ZFHX3: variants seen among roughly 807,000 people sequenced by gnomAD.
The protein encoded by ZFHX3 is zinc finger homeobox protein 3.
A neutral mutation model predicts 279.1 loss-of-function variants in ZFHX3; 42 were observed. The observed-to-expected ratio is 0.15, with a 90% CI of 0.12 to 0.19. ZFHX3 has a LOEUF of 0.19. Among genes scored for constraint, ZFHX3 ranks in the 10% least tolerant of loss-of-function variants. The probability of loss-of-function intolerance (pLI) is 1.00; values close to 1 mark genes in which losing one functional copy is unlikely to be tolerated. For missense variants in ZFHX3, 4,981 were observed against 4,754.0 expected, an observed-to-expected ratio of 1.05 and a Z score of -1.40; for synonymous variants, 2,293 against 1,957.8, an observed-to-expected ratio of 1.17 and a Z score of -4.52.
At chr16:72,935,079 A>AT (rs761909607) in intron 3 of ZFHX3, among the ~76,000 whole-genome samples, 1 of 152,240 alleles carries the variant, frequency 6.6e-6, no homozygotes, top group Non-Finnish European at 1.5e-5. Context: ...ATCTAGCTAT[A>AT]TGTATGTGCT....
At chr16:73,284,144 C>G (rs992667927) in intron 4 of ZFHX3, among the ~76,000 whole-genome samples, 9 of 151,710 alleles carry the variant, frequency 5.9e-5, no homozygotes, top group Non-Finnish European at 1.0e-4. Context: ...TGGTGAAACC[C>G]CACCTCTACT....
At chr16:73,648,100 T>C (rs1416470840) in intron 2 of ZFHX3, among the ~76,000 whole-genome samples, 1 of 152,158 alleles carries the variant, frequency 6.6e-6, no homozygotes, top group Non-Finnish European at 1.5e-5. Context: ...TTACCGAAAT[T>C]TAAAATACAC....
intron 4 of ZFHX3, among the ~76,000 whole-genome samples, chr16:72,854,937 GT>G (rs2037716134): frequency 1.1e-5 from 1 of 89,928 alleles, no homozygotes; most frequent in Non-Finnish European, 2.3e-5. Context: ...AAATTGGTGG[GT>G]GGGGGGGGGG....
At chr16:72,906,480 A>T (rs2039175159) in intron 3 of ZFHX3, among the ~76,000 whole-genome samples, 2 of 152,014 alleles carry the variant, frequency 1.3e-5, no homozygotes, top group Non-Finnish European at 2.9e-5. Context: ...CTTCAGTAAA[A>T]ATCAAGTCTT....
At chr16:72,898,038 G>C (rs748324879) in intron 3 of ZFHX3, among the ~76,000 whole-genome samples, 20 of 152,176 alleles carry the variant, frequency 1.3e-4, no homozygotes, top group Non-Finnish European at 4.4e-5. Context: ...AACCAGGAGT[G>C]GGGGAGGTTA....
intron 6 of ZFHX3, among the ~76,000 whole-genome samples, chr16:73,137,894 G>T (rs1319309588): frequency 6.6e-6 from 1 of 152,038 alleles, no homozygotes; most frequent in East Asian, 1.9e-4. Flanking sequence ...TAGATTTGGG[G>T]TATTGGGGGG....
chr16:73,539,439 T>C (rs1196800497), intron 2 of ZFHX3, among the ~76,000 whole-genome samples: 6 of 113,344 alleles, frequency 5.3e-5, no homozygotes, highest in African/African-American at 2.9e-4. Flanking sequence ...TCTTCTTTTT[T>C]TTTTTTTTTT....
intron 5 of ZFHX3, among the ~76,000 whole-genome samples, chr16:72,827,441 T>C (rs1360594226): frequency 6.6e-6 from 1 of 152,140 alleles, no homozygotes; most frequent in East Asian, 1.9e-4. Context: ...CAAGGTACCT[T>C]GAGTGGGGTC....
chr16:72,959,797 C>T lies in ZFHX3; in HGVS notation c.349G>A (p.Gly117Ser), dbSNP rs201151237. 5.8e-5 allele frequency: 93 copies of T among 1,598,234 alleles called. No individual in the cohort carries two copies. The highest frequency in any genetic ancestry group is 2.3e-4 in the African/African-American group (17 of 74,830). Residue 117 changes from glycine (G) to serine (S), a missense_variant, in exon 2 of 10, where the codon GGT (glycine) becomes AGT (serine). Physicochemically the swap from Gly to Ser is moderately conservative, Grantham distance 56 (BLOSUM62 0). Coordinates refer to ENST00000268489, the MANE Select transcript of ZFHX3 (RefSeq NM_006885.4). ...PLREESASDT[G>S]EEGDEESDVE... ...TCACTCTCCTCGTCCCCCTCCTCAC[C>T]GGTGTCGCTGGCGCTCTCCTCTCTC...
chr16:73,630,980 G>C (rs909779827), intron 2 of ZFHX3, among the ~76,000 whole-genome samples: 2 of 152,178 alleles, frequency 1.3e-5, no homozygotes, highest in Non-Finnish European at 2.9e-5. Context: ...GATGCACAAG[G>C]CTTTACTGAC....
chr16:73,350,731 G>A (rs1740543892), intron 3 of ZFHX3, among the ~76,000 whole-genome samples: 1 of 152,260 alleles, frequency 6.6e-6, no homozygotes, highest in African/African-American at 2.4e-5. Context: ...GTTGGCTGCT[G>A]TTTATGGTCC....
At chr16:72,931,265 T>C (rs1010540179) in intron 3 of ZFHX3, among the ~76,000 whole-genome samples, 1 of 152,226 alleles carries the variant, frequency 6.6e-6, no homozygotes, top group Admixed American at 6.5e-5. Context: ...CTGTTGCACA[T>C]ACTTCGCACA....
intron 1 of ZFHX3, among the ~76,000 whole-genome samples, chr16:73,790,421 T>A (rs1959789132): frequency 6.6e-6 from 1 of 152,356 alleles, no homozygotes; most frequent in African/African-American, 2.4e-5. Context: ...TCTGTGCTTG[T>A]TTTTTATAAA....
At chr16:72,817,577 C>A (rs374914540) in intron 5 of ZFHX3, among the ~76,000 whole-genome samples, 6 of 152,212 alleles carry the variant, frequency 3.9e-5, no homozygotes, top group Non-Finnish European at 7.3e-5. Context: ...ACTAAACACA[C>A]CAGTGCGCTG....
chr16:73,011,709 AAG>A (rs1963925938), intron 1 of ZFHX3, among the ~76,000 whole-genome samples: 1 of 151,916 alleles, frequency 6.6e-6, no homozygotes, highest in Non-Finnish European at 1.5e-5. Flanking sequence ...GTGACAGAGC[AAG>A]ACTCAATCTC....
intron 3 of ZFHX3, among the ~76,000 whole-genome samples, chr16:73,350,999 C>T (rs1361834555): frequency 1.3e-5 from 2 of 152,178 alleles, no homozygotes; most frequent in African/African-American, 4.8e-5. Flanking sequence ...ATGGAGGTGT[C>T]AGCATCCGAT....
intron 5 of ZFHX3, chr16:73,233,034 G>A (rs1474135407): frequency 6.8e-6 from 1 of 146,600 alleles, no homozygotes; most frequent in Non-Finnish European, 1.5e-5. Flanking sequence ...TCGACTAATT[G>A]TTGGCAATGT....
rs398029895 is a variant in ZFHX3 at position 73,227,848 on chromosome 16, C to CAAAAAAAAAAA, written c.-1104+29188_-1104+29198dup. Among the ~76,000 whole-genome samples, 8 of 46,060 alleles carry CAAAAAAAAAAA rather than the reference C, an allele frequency of 1.7e-4. 1 individual carries two copies. Among genetic ancestry groups the CAAAAAAAAAAA allele is most frequent in the African/African-American group, 7.4e-4 (7 of 9,452 alleles). 30.2% of individuals were successfully genotyped at this position (46,060 alleles called of 152,430 possible). On this transcript the variant is annotated intron_variant, in intron 5 of 17. Coordinates refer to the ZFHX3 transcript ENST00000641206. ...TGAGCAACAGAGCAAGATTCTGTCT[C>CAAAAAAAAAAA]AAAAAAAAAAAAAAAAAAAAAAAAA...
intron 4 of ZFHX3, among the ~76,000 whole-genome samples, chr16:73,279,326 T>G (rs913630404): frequency 2.6e-5 from 4 of 152,244 alleles, no homozygotes; most frequent in South Asian, 2.1e-4. Flanking sequence ...CCATAAATTA[T>G]TGGGTATTTT....
Sources: allele counts gnomAD v4.1 joint callset (sites outside exome capture counted in the v4.1 genomes callset), GRCh38; gene constraint gnomAD v4.1.1; transcripts MANE v1.5; gene names NCBI Gene and HGNC (gene_info 2026-07-23, HGNC 2026-07-21).